SLC16A10: variants seen among roughly 807,000 people sequenced by gnomAD.
SLC16A10 encodes monocarboxylate transporter 10.
SLC16A10 carries 27 observed loss-of-function variants against 40.0 expected under a neutral mutation model. That is an observed-to-expected ratio of 0.67 (90% CI 0.50 to 0.93). The LOEUF is 0.93. Ranked by LOEUF, SLC16A10 falls within the 40% of genes least tolerant of loss-of-function variation. SLC16A10 has a pLI of 0.00. For synonymous variants in SLC16A10, 213 were observed against 249.8 expected (o/e 0.85, Z 1.39); for missense variants, 529 against 658.2 (o/e 0.80, Z 2.15).
Position 111,161,052 on chromosome 6 carries a change from G to A in SLC16A10, c.344-11643G>A, listed in dbSNP as rs192539217. Among the ~76,000 whole-genome samples the A allele has an allele frequency of 2.8e-3, 420 of 151,662 alleles. 2 individuals carry two copies. The highest frequency in any genetic ancestry group is 9.0e-3 in the African/African-American group (372 of 41,356). On this transcript the variant is annotated intron_variant, in intron 1 of 5. Transcript: ENST00000368851. Reference sequence around the variant, plus strand: ...AGCCTGACCAACATGGTGAAACCCCGTCTCTACTAAAAATACAAAAATTAG... The same window carrying A: ...AGCCTGACCAACATGGTGAAACCCCATCTCTACTAAAAATACAAAAATTAG...
chr6:111,122,789 G>T (rs1195976262), intron 1 of SLC16A10, among the ~76,000 whole-genome samples: 1 of 152,142 alleles, frequency 6.6e-6, no homozygotes, highest in Non-Finnish European at 1.5e-5. Flanking sequence ...GCCAGGCCAG[G>T]AGCTCACCTC....
intron 1 of SLC16A10, among the ~76,000 whole-genome samples, chr6:111,105,917 A>C (rs979188633): frequency 1.3e-5 from 2 of 152,212 alleles, no homozygotes; most frequent in Admixed American, 1.3e-4. Context: ...AAGAATAGAT[A>C]TCTGCCGTTT....
intron 1 of SLC16A10, among the ~76,000 whole-genome samples, chr6:111,159,423 T>C (rs566974245): frequency 6.6e-6 from 1 of 152,340 alleles, no homozygotes; most frequent in East Asian, 1.9e-4. Flanking sequence ...GTGGAATTAC[T>C]AGAATGTGGT....
intron 3 of SLC16A10, among the ~76,000 whole-genome samples, chr6:111,191,706 G>A (rs796982594): frequency 1.3e-5 from 2 of 152,144 alleles, no homozygotes; most frequent in Non-Finnish European, 2.9e-5. Flanking sequence ...TTTAATGATT[G>A]CCATTCTAAC....
intron 1 of SLC16A10, 152 bp downstream of exon 1, chr6:111,088,247 C>T (rs1372540866): frequency 5.6e-6 from 4 of 712,354 alleles, no homozygotes; most frequent in African/African-American, 5.6e-5. Flanking sequence ...GAGTTGCAGA[C>T]AGAGCCTGCC....
intron 1 of SLC16A10, among the ~76,000 whole-genome samples, chr6:111,091,834 T>A (rs1281254777): frequency 6.6e-6 from 1 of 152,230 alleles, no homozygotes; most frequent in African/African-American, 2.4e-5. Context: ...TTTATACAAA[T>A]GTTTACCAAG....
At chr6:111,181,235 G>T (rs1199705831) in intron 3 of SLC16A10, among the ~76,000 whole-genome samples, 1 of 146,784 alleles carries the variant, frequency 6.8e-6, no homozygotes, top group Admixed American at 6.8e-5. Context: ...AAAAAAAAAA[G>T]TTCTGAAGTA....
intron 3 of SLC16A10, among the ~76,000 whole-genome samples, chr6:111,180,650 A>G (rs576397501): frequency 6.6e-6 from 1 of 152,250 alleles, no homozygotes; most frequent in East Asian, 1.9e-4. Context: ...TGGAAGGTGA[A>G]GAAATAAAGA....
intron 1 of SLC16A10, among the ~76,000 whole-genome samples, chr6:111,155,357 A>C (rs1772251280): frequency 6.6e-6 from 1 of 151,688 alleles, no homozygotes. Flanking sequence ...TAATTTTAAA[A>C]AGTTGTTTCG....
chr6:111,137,522 G>T (rs568094727), intron 1 of SLC16A10, among the ~76,000 whole-genome samples: 4 of 152,328 alleles, frequency 2.6e-5, no homozygotes, highest in Non-Finnish European at 5.9e-5. Flanking sequence ...GCTACAAATG[G>T]TTCTTCAAAT....
intron 1 of SLC16A10, among the ~76,000 whole-genome samples, chr6:111,144,598 A>T (rs1342278807): frequency 1.3e-5 from 2 of 152,268 alleles, no homozygotes; most frequent in Non-Finnish European, 2.9e-5. Context: ...TGTCTAGAAA[A>T]TGCAAACTAA....
chr6:111,170,144 G>A (rs1462962547), intron 1 of SLC16A10, among the ~76,000 whole-genome samples: 4 of 151,878 alleles, frequency 2.6e-5, no homozygotes, highest in Admixed American at 2.6e-4. Context: ...TCTTGATCCT[G>A]ACCTCAGGTG....
At chr6:111,155,308 G>A (rs1772250277) in intron 1 of SLC16A10, among the ~76,000 whole-genome samples, 1 of 150,868 alleles carries the variant, frequency 6.6e-6, no homozygotes, top group South Asian at 2.1e-4. Context: ...TCAGCCTTCT[G>A]AGTAGCTGGG....
chr6:111,180,404 C>G (rs1772767487), intron 3 of SLC16A10, among the ~76,000 whole-genome samples: 1 of 152,152 alleles, frequency 6.6e-6, no homozygotes, highest in African/African-American at 2.4e-5. Flanking sequence ...AAAAAATTAT[C>G]TGGGCATGGT....
intron 1 of SLC16A10, among the ~76,000 whole-genome samples, chr6:111,115,099 C>CT (rs959383395): frequency 7.2e-5 from 11 of 151,982 alleles, no homozygotes; most frequent in African/African-American, 1.2e-4. Context: ...ATAGCTGTGC[C>CT]TTTTTTGGTG....
intron 1 of SLC16A10, among the ~76,000 whole-genome samples, chr6:111,088,932 T>C (rs1046916195): frequency 6.6e-6 from 1 of 152,070 alleles, no homozygotes; most frequent in Admixed American, 6.5e-5. Flanking sequence ...TCCTGCAAGG[T>C]GAGCGCGGTC....
At chr6:111,091,268 A>G (rs1770970264) in intron 1 of SLC16A10, 1 of 152,166 alleles carries the variant, frequency 6.6e-6, no homozygotes, top group Non-Finnish European at 1.5e-5. Flanking sequence ...GGGTCACGCT[A>G]ATCTTCTCTG....
At position 111,206,750 on chromosome 6, in the gene SLC16A10, CT is replaced by C. The variant is rs34277174; in HGVS notation, c.1086+21del. ...TTTATCTACAGGTACTTTTTTACAC[CT>C]TTTTTCCCCTATCAAAAATTACTCT... On this transcript the variant is annotated intron_variant, in intron 4 of 5. Transcript: ENST00000368851. The C allele has an allele frequency of 1.9e-6, 3 of 1,604,256 alleles. No individual in the cohort carries two copies. The highest frequency in any genetic ancestry group is 1.1e-5 in the South Asian group (1 of 88,884).
At chr6:111,205,004 G>T (rs1773232298) in intron 3 of SLC16A10, among the ~76,000 whole-genome samples, 1 of 151,854 alleles carries the variant, frequency 6.6e-6, no homozygotes, top group South Asian at 2.1e-4. Flanking sequence ...GGTAATAAAG[G>T]TACAAAGATA....
Sources: gnomAD v4.1 joint callset for allele counts (sites outside exome capture counted in the v4.1 genomes callset) on GRCh38, gnomAD v4.1.1 for gene constraint, MANE v1.5 for transcripts, NCBI Gene and HGNC (gene_info 2026-07-23, HGNC 2026-07-21) for gene names.